CHST11: variants seen among roughly 807,000 people sequenced by gnomAD.
CHST11 encodes carbohydrate sulfotransferase 11.
Under a neutral mutation model 30.4 loss-of-function variants are expected in CHST11, and 9 were observed. That is an observed-to-expected ratio of 0.30 (90% confidence interval 0.18 to 0.52). The LOEUF is 0.52. Ranked by LOEUF, CHST11 falls within the 20% of genes least tolerant of loss-of-function variation. The probability of loss-of-function intolerance (pLI) is 0.97; values close to 1 mark genes in which losing one functional copy is unlikely to be tolerated. For synonymous variants in CHST11, 152 were observed against 187.8 expected, an observed-to-expected ratio of 0.81 and a Z score of 1.56; for missense variants, 348 against 460.6, an observed-to-expected ratio of 0.76 and a Z score of 2.24.
At chr12:104,551,771 G>C (rs1005224868) in intron 1 of CHST11, among the ~76,000 whole-genome samples, 1 of 152,138 alleles carries the variant, frequency 6.6e-6, no homozygotes, top group African/African-American at 2.4e-5. Context: ...GAGGCCGTAC[G>C]GAAGTGGTGC....
chr12:104,484,529 C>T (rs2037657806), intron 1 of CHST11, among the ~76,000 whole-genome samples: 1 of 152,148 alleles, frequency 6.6e-6, no homozygotes, highest in Non-Finnish European at 1.5e-5. Context: ...ACAATGTTCT[C>T]ATCTATAAAA....
chr12:104,616,346 A>G (rs2039107305), intron 2 of CHST11, among the ~76,000 whole-genome samples: 1 of 152,158 alleles, frequency 6.6e-6, no homozygotes, highest in South Asian at 2.1e-4. Context: ...AAGTTTGAGA[A>G]CCACCTCTCT....
intron 1 of CHST11, among the ~76,000 whole-genome samples, chr12:104,590,583 A>G (rs1185109525): frequency 1.3e-5 from 2 of 152,206 alleles, no homozygotes; most frequent in African/African-American, 4.8e-5. Flanking sequence ...AACAGCCAAT[A>G]AAGCATTTAA....
At chr12:104,732,650 T>G (rs945250986) in intron 2 of CHST11, among the ~76,000 whole-genome samples, 13 of 152,180 alleles carry the variant, frequency 8.5e-5, no homozygotes, top group African/African-American at 3.1e-4. Context: ...AGCCACCAAA[T>G]GTCCCTCCTG....
intron 1 of CHST11, among the ~76,000 whole-genome samples, chr12:104,482,353 C>T (rs910932960): frequency 2.0e-4 from 30 of 149,652 alleles, no homozygotes; most frequent in African/African-American, 3.7e-4. Context: ...AGCCCCCCCC[C>T]GCAAAAATGA....
chr12:104,512,642 G>A (rs904216060), intron 1 of CHST11, among the ~76,000 whole-genome samples: 2 of 152,206 alleles, frequency 1.3e-5, no homozygotes, highest in African/African-American at 4.8e-5. Context: ...GGTAGAGGGA[G>A]TTTCTCCAGA....
intron 1 of CHST11, among the ~76,000 whole-genome samples, chr12:104,558,990 G>C (rs1359180124): frequency 1.3e-5 from 2 of 152,018 alleles, no homozygotes; most frequent in Non-Finnish European, 2.9e-5. Flanking sequence ...TCCATTGGAG[G>C]TGGGTGCAAT....
intron 2 of CHST11, among the ~76,000 whole-genome samples, chr12:104,733,595 T>A (rs1347599491): frequency 6.6e-6 from 1 of 152,246 alleles, no homozygotes; most frequent in East Asian, 1.9e-4. Flanking sequence ...ATTAGGTGGG[T>A]GCAAAAGTAA....
At chr12:104,546,863 A>G (rs1474484767) in intron 1 of CHST11, among the ~76,000 whole-genome samples, 1 of 152,238 alleles carries the variant, frequency 6.6e-6, no homozygotes, top group Non-Finnish European at 1.5e-5. Context: ...CATGAGCCCA[A>G]ACTTGCTGTG....
chr12:104,616,852 A>G (rs966183900), intron 2 of CHST11, among the ~76,000 whole-genome samples: 1 of 152,136 alleles, frequency 6.6e-6, no homozygotes, highest in Non-Finnish European at 1.5e-5. Flanking sequence ...AGAAGAAGCA[A>G]CCCTCAAGTA....
intron 2 of CHST11, among the ~76,000 whole-genome samples, chr12:104,743,536 A>C (rs923162512): frequency 3.3e-5 from 5 of 152,198 alleles, no homozygotes; most frequent in Admixed American, 2.6e-4. Flanking sequence ...CACACCACTA[A>C]AATGATTGTA....
In CHST11 at chr12:104,757,706, A is replaced by T. The variant is rs2040491447; in HGVS notation, c.962A>T (p.Asn321Ile). 1.2e-6 allele frequency: 2 copies of T among 1,614,108 alleles called. No homozygotes were observed. Among genetic ancestry groups the T allele is most frequent in the Non-Finnish European group, 1.7e-6 (2 of 1,180,056 alleles). Residue 321 changes from asparagine to isoleucine, a missense_variant, in exon 3 of 3, where the codon AAC (asparagine) becomes ATC (isoleucine). Asn to Ile is a moderately radical substitution (Grantham distance 149). Transcript: ENST00000303694. The surrounding 1 kb of genome is among the most constrained non-coding windows in gnomAD (Gnocchi z 6.5). ...TDEMTTEFFQ[N>I]ISSEHQTQLY... is the part of the protein sequence containing the mutation. The stretch of plus-strand genomic sequence containing the variant: ...GAAATGACCACAGAATTCTTCCAGA[A>T]CATCAGCTCAGAGCACCAAACGCAG...
At chr12:104,646,154 A>G (rs973234351) in intron 2 of CHST11, among the ~76,000 whole-genome samples, 3 of 151,318 alleles carry the variant, frequency 2.0e-5, no homozygotes, top group African/African-American at 7.3e-5. Flanking sequence ...CCTCTATTCC[A>G]CTTTCCAGGG....
Position 104,757,160 on chromosome 12 carries a change from C to G in CHST11, c.416C>G (p.Thr139Ser). 1 of 1,614,122 alleles carries G rather than the reference C, an allele frequency of 6.2e-7. No homozygotes were observed. Among genetic ancestry groups the G allele is most frequent in the Non-Finnish European group, 8.5e-7 (1 of 1,180,024 alleles). Residue 139 changes from threonine (T) to serine (S), a missense_variant, in exon 3 of 3, where the codon ACC becomes AGC. Thr to Ser is a moderately conservative substitution (Grantham distance 58). Transcript: ENST00000303694. The surrounding 1 kb of genome is among the most constrained non-coding windows in gnomAD (Gnocchi z 6.5). ...TNWKRLMMVL[T>S]GRGKYSDPME... ...TGGAAGCGGCTCATGATGGTCCTGA[C>G]CGGGCGGGGGAAGTACAGCGACCCC...
chr12:104,616,154 T>A (rs2039105497), intron 2 of CHST11, among the ~76,000 whole-genome samples: 1 of 152,150 alleles, frequency 6.6e-6, no homozygotes, highest in South Asian at 2.1e-4. Context: ...ACAATGGAAC[T>A]CCATCGTCTG....
chr12:104,514,693 G>A (rs750159456), intron 1 of CHST11, among the ~76,000 whole-genome samples: 4 of 152,122 alleles, frequency 2.6e-5, no homozygotes, highest in Non-Finnish European at 5.9e-5. Context: ...GAGGGAGCAA[G>A]AGAGAGAGGG....
rs186755655 is a variant in CHST11, at chr12:104,646,039, C to T, written c.204+44048C>T. On this transcript the variant is annotated intron_variant, in intron 2 of 2. Coordinates refer to ENST00000303694, the MANE Select transcript of CHST11 (RefSeq NM_018413.6). Reference sequence around the variant, plus strand: ...CCTCCCCTGATTTCTTTCTGAGTCCCGCATGCAGGATGCTGCCGGCTCAGC... The same window carrying T: ...CCTCCCCTGATTTCTTTCTGAGTCCTGCATGCAGGATGCTGCCGGCTCAGC... Among the ~76,000 whole-genome samples the T allele has an allele frequency of 1.2e-3, 183 of 152,356 alleles. 1 individual carries two copies. Among genetic ancestry groups the T allele is most frequent in the Admixed American group, 7.4e-3 (114 of 15,310 alleles).
chr12:104,625,454 A>G (rs1033371781), intron 2 of CHST11, among the ~76,000 whole-genome samples: 4 of 152,096 alleles, frequency 2.6e-5, no homozygotes, highest in Non-Finnish European at 5.9e-5. Context: ...ACATGTGCCC[A>G]CCACCATGCC....
rs2040502309 is a variant in CHST11 at position 104,758,967 on chromosome 12, G to A, written c.*1164G>A. On this transcript the variant is annotated 3_prime_UTR_variant, in exon 3 of 3. Coordinates refer to ENST00000303694, the MANE Select transcript of CHST11 (RefSeq NM_018413.6). ...AAGAGTGCTGTGGTTGATTAGCAAT[G>A]TCTGCCTTGGGTGAGGAAAGGGGAA... is the stretch of plus-strand genomic sequence containing the variant. The A allele has an allele frequency of 6.6e-6, 1 of 152,202 alleles. No individual in the cohort carries two copies. Among genetic ancestry groups the A allele is most frequent in the Non-Finnish European group, 1.5e-5 (1 of 68,076 alleles). The allele number at this position is 152,202 out of a possible 1,614,324, so 9.4% of individuals were successfully genotyped here.
Sources: gnomAD v4.1 joint callset for allele counts (sites outside exome capture counted in the v4.1 genomes callset) on GRCh38, gnomAD v4.1.1 for gene constraint, Gnocchi (gnomAD v3.1) non-coding constraint, MANE v1.5 for transcripts, NCBI Gene and HGNC (gene_info 2026-07-23, HGNC 2026-07-21) for gene names.